Variants in EYA4 observed in about 807,000 individuals in gnomAD.
The protein encoded by EYA4 is protein phosphatase EYA4.
In EYA4, 31 loss-of-function variants were observed where a neutral mutation model predicts 87.9. That is an observed-to-expected ratio of 0.35 (90% CI 0.27 to 0.48). The LOEUF (loss-of-function observed/expected upper bound fraction) is 0.48, where lower values mean the gene tolerates loss of function less well. Ranked by LOEUF, EYA4 falls within the 20% of genes least tolerant of loss-of-function variation. EYA4 has a pLI of 0.99. For missense variants in EYA4, 678 were observed against 761.4 expected (o/e 0.89, Z 1.29); for synonymous variants, 263 against 270.6 (o/e 0.97, Z 0.28).
chr6:133,422,264 TATC>T (rs1175583027), intron 3 of EYA4, among the ~76,000 whole-genome samples: 1 of 152,200 alleles, frequency 6.6e-6, no homozygotes, highest in Non-Finnish European at 1.5e-5. Context: ...ATTTAGAAGT[TATC>T]ATTCCCATAA....
At chr6:133,278,643 A>C (rs1311527142) in intron 2 of EYA4, among the ~76,000 whole-genome samples, 10 of 152,194 alleles carry the variant, frequency 6.6e-5, no homozygotes, top group African/African-American at 2.4e-4. Context: ...TCACTTAAAA[A>C]ATTGCATAGA....
In EYA4 at chr6:133,462,779, A is replaced by G. The variant is rs1166705693; in HGVS notation, c.724+15A>G. 18 of 1,612,580 alleles carry G rather than the reference A, an allele frequency of 1.1e-5. No homozygotes were observed. Among genetic ancestry groups the G allele is most frequent in the East Asian group, 2.2e-5 (1 of 44,878 alleles). On this transcript the variant is annotated intron_variant, in intron 9 of 19. Transcript: ENST00000355286. ...CCAAATGCCAGGTAAGTAGCTACAC[A>G]TGAAACATGTTTTGGGAGAACTAAT...
intron 2 of EYA4, among the ~76,000 whole-genome samples, chr6:133,306,223 G>A (rs186479094): frequency 1.2e-3 from 186 of 152,304 alleles, no homozygotes; most frequent in African/African-American, 4.2e-3. Context: ...ACTTACCGCG[G>A]TAAGTGGCAG....
intron 2 of EYA4, among the ~76,000 whole-genome samples, chr6:133,381,912 T>G (rs903861326): frequency 3.3e-5 from 5 of 152,124 alleles, no homozygotes; most frequent in African/African-American, 9.7e-5. Context: ...TTAATTGATA[T>G]GTTGAGACAT....
chr6:133,291,195 T>C (rs1260765866), intron 2 of EYA4, among the ~76,000 whole-genome samples: 2 of 152,162 alleles, frequency 1.3e-5, no homozygotes, highest in Non-Finnish European at 2.9e-5. Context: ...ACAGAGTGCA[T>C]ATTTGGGTTA....
At chr6:133,466,870 G>A (rs1583360442) in intron 10 of EYA4, among the ~76,000 whole-genome samples, 1 of 152,006 alleles carries the variant, frequency 6.6e-6, no homozygotes, top group South Asian at 2.1e-4. Context: ...CGTAAGGCCT[G>A]GTGGTTTACA....
intron 3 of EYA4, among the ~76,000 whole-genome samples, chr6:133,394,309 T>C (rs1787600449): frequency 1.2e-5 from 1 of 86,460 alleles, no homozygotes; most frequent in African/African-American, 3.0e-5. Context: ...TTTTTTTTTT[T>C]TTTTTTTTTG....
chr6:133,272,761 G>A (rs1217442485), intron 1 of EYA4, among the ~76,000 whole-genome samples: 1 of 152,158 alleles, frequency 6.6e-6, no homozygotes, highest in African/African-American at 2.4e-5. Context: ...AGAACAGCTT[G>A]CACAGCAGCC....
chr6:133,240,764 C>T (rs1254101583), upstream of EYA4: 1 of 152,374 alleles, frequency 6.6e-6, no homozygotes, highest in Non-Finnish European at 1.5e-5. Context: ...AAAAAGCGCC[C>T]CAGTCTGGTC....
chr6:133,463,354 C>CTTTTTTT (rs571663764), intron 9 of EYA4, among the ~76,000 whole-genome samples: 14 of 115,230 alleles, frequency 1.2e-4, no homozygotes, highest in East Asian at 2.6e-4. Context: ...TGTGTTTTAT[C>CTTTTTTT]TTTTTTTTTT....
chr6:133,485,075 A>G (rs1208525526), intron 13 of EYA4, among the ~76,000 whole-genome samples: 1 of 152,166 alleles, frequency 6.6e-6, no homozygotes, highest in Non-Finnish European at 1.5e-5. Flanking sequence ...GCCTTTCTCA[A>G]TTTACTCATA....
intron 17 of EYA4, among the ~76,000 whole-genome samples, chr6:133,519,295 TA>T (rs1390828185): frequency 6.6e-6 from 1 of 151,532 alleles, no homozygotes; most frequent in East Asian, 1.9e-4. Flanking sequence ...ATAGACGCAA[TA>T]AAAAATGATA....
At chr6:133,506,478 G>A (rs1419888494) in intron 14 of EYA4, among the ~76,000 whole-genome samples, 1 of 152,166 alleles carries the variant, frequency 6.6e-6, no homozygotes, top group African/African-American at 2.4e-5. Flanking sequence ...TTCTTTTAGT[G>A]TTTCAGCATT....
intron 6 of EYA4, 43 bp from the exon 7 acceptor site, chr6:133,461,071 T>C (rs758535237): frequency 7.4e-7 from 1 of 1,346,116 alleles, no homozygotes; most frequent in East Asian, 2.3e-5. Context: ...GAAATGTATT[T>C]ATGAAGCAAC....
intron 3 of EYA4, among the ~76,000 whole-genome samples, chr6:133,394,279 C>A: frequency 1.1e-5 from 1 of 87,676 alleles, no homozygotes; most frequent in East Asian, 3.4e-4. Context: ...TATATATAAG[C>A]TTGTGTTTTT....
chr6:133,276,864 C>CA (rs1777210485), intron 2 of EYA4, among the ~76,000 whole-genome samples: 4 of 148,186 alleles, frequency 2.7e-5, no homozygotes, highest in Non-Finnish European at 4.4e-5. Context: ...GCCTCATTGC[C>CA]TTTGGGTTAT....
chr6:133,404,687 CTAG>C, intron 3 of EYA4, among the ~76,000 whole-genome samples: 1 of 152,340 alleles, frequency 6.6e-6, no homozygotes, highest in East Asian at 1.9e-4. Context: ...ACATTTGAGA[CTAG>C]TAACTTCCTA....
intron 2 of EYA4, among the ~76,000 whole-genome samples, chr6:133,310,653 G>A (rs1339273433): frequency 1.3e-5 from 2 of 152,166 alleles, no homozygotes; most frequent in African/African-American, 2.4e-5. Context: ...CAAGACTTCA[G>A]TGACTAAAAG....
chr6:133,356,103 A>C (rs755240334), intron 2 of EYA4, among the ~76,000 whole-genome samples: 1 of 151,916 alleles, frequency 6.6e-6, no homozygotes, highest in African/African-American at 2.4e-5. Context: ...CCTGCTTGCT[A>C]TCTGGTGCCT....
Sources: allele counts gnomAD v4.1 joint callset (sites outside exome capture counted in the v4.1 genomes callset), GRCh38; gene constraint gnomAD v4.1.1; transcripts MANE v1.5; gene names NCBI Gene and HGNC (gene_info 2026-07-23, HGNC 2026-07-21).